Variants in GNGT2 observed in about 807,000 individuals in gnomAD.
GNGT2 encodes the protein G protein subunit gamma transducin 2.
A neutral mutation model predicts 3.5 loss-of-function variants in GNGT2; 4 were observed. The ratio of observed to expected loss-of-function variants is 1.13; its 90% CI spans 0.56 to 2.59. The LOEUF (loss-of-function observed/expected upper bound fraction) is 2.59. Ranked by LOEUF, GNGT2 falls within the 30% of genes most tolerant of loss-of-function variation. GNGT2 has a pLI of 0.02. For missense variants in GNGT2, 64 were observed against 81.2 expected, an observed-to-expected ratio of 0.79 and a Z score of 0.82; for synonymous variants, 31 against 29.5, an observed-to-expected ratio of 1.05 and a Z score of -0.17.
At chr17:49,209,140 G>A (rs575485087) in intron 1 of GNGT2, 186 bp from the exon 2 acceptor site, 3 of 152,454 alleles carry the variant, frequency 2.0e-5, no homozygotes, top group African/African-American at 7.2e-5. Flanking sequence ...CACACTTTTG[G>A]TGACCTCACT....
intron 3 of GNGT2, 41 bp downstream of exon 3, chr17:49,207,298 G>A (rs751077236): frequency 2.1e-6 from 3 of 1,412,440 alleles, no homozygotes; most frequent in African/African-American, 1.4e-5. Flanking sequence ...GGCTCATCAG[G>A]AACAGGAAGG....
Position 49,206,727 on chromosome 17 carries a change from G to C in GNGT2, c.*30C>G. 1 of 1,598,320 alleles carries C rather than the reference G, an allele frequency of 6.3e-7. No individual in the cohort carries two copies. The highest frequency in any genetic ancestry group is 8.5e-7 in the Non-Finnish European group (1 of 1,173,046). On this transcript the variant is annotated 3_prime_UTR_variant, in exon 4 of 4. Coordinates refer to ENST00000507680, the MANE Select transcript of GNGT2 (RefSeq NM_001198754.2). Reference sequence around the variant, plus strand: ...GGAGACTTGGGCTTGGCTGAAGAGGGACAGACACTCAGGGCAGGGCTCCAT... The same window carrying C: ...GGAGACTTGGGCTTGGCTGAAGAGGCACAGACACTCAGGGCAGGGCTCCAT...
At chr17:49,207,204 T>C in intron 3 of GNGT2, 135 bp downstream of exon 3, 3 of 773,178 alleles carry the variant, frequency 3.9e-6, no homozygotes, top group Non-Finnish European at 4.6e-6. Context: ...CTCTGCATCC[T>C]ACCCCATCCC....
chr17:49,206,476 C>T lies in GNGT2; in HGVS notation c.*281G>A. On this transcript the variant is annotated 3_prime_UTR_variant, in exon 4 of 4. Coordinates refer to ENST00000507680, the MANE Select transcript of GNGT2 (RefSeq NM_001198754.2). ...TGCCCTCTGGGGTCTTGGGGTATTGCAGGCTTCTCACACCCCACCACCCAT... is the reference window on the plus strand; with the variant it reads ...TGCCCTCTGGGGTCTTGGGGTATTGTAGGCTTCTCACACCCCACCACCCAT... 1 of 387,122 alleles carries T rather than the reference C, an allele frequency of 2.6e-6. No individual in the cohort carries two copies. Among genetic ancestry groups the T allele is most frequent in the Non-Finnish European group, 4.6e-6 (1 of 217,412 alleles). 24.0% of individuals were successfully genotyped at this position (387,122 alleles called of 1,614,324 possible). A position where few individuals can be genotyped will look rare whatever the true frequency, so the allele number is the denominator to read the frequency against.
intron 3 of GNGT2, 24 bp from the exon 4 acceptor site, chr17:49,206,906 T>C (rs764557160): frequency 6.2e-7 from 1 of 1,613,980 alleles, no homozygotes; most frequent in Admixed American, 1.7e-5. Flanking sequence ...AAAAATGTTT[T>C]AGGTCCTTGT....
At chr17:49,207,023 C>T (rs2043112788) in intron 3 of GNGT2, 141 bp from the exon 4 acceptor site, 12 of 887,678 alleles carry the variant, frequency 1.4e-5, no homozygotes, top group East Asian at 7.3e-5. Context: ...GACAGGTGTT[C>T]GGGGGTGTGA....
chr17:49,209,968 A>C (rs1230445094), intron 1 of GNGT2, among the ~76,000 whole-genome samples: 26 of 152,166 alleles, frequency 1.7e-4, no homozygotes, highest in Admixed American at 1.7e-3. Context: ...CTCAAATCCA[A>C]GTCCTTCCTG....
chr17:49,206,642 G>T lies in GNGT2; in HGVS notation c.*115C>A. 2 of 935,424 alleles carry T rather than the reference G, an allele frequency of 2.1e-6. No homozygotes were observed. Among genetic ancestry groups the T allele is most frequent in the Non-Finnish European group, 1.6e-6 (1 of 608,306 alleles). 57.9% of individuals were successfully genotyped at this position (935,424 alleles called of 1,614,324 possible). A position where few individuals can be genotyped will look rare whatever the true frequency, so the allele number is the denominator to read the frequency against. On this transcript the variant is annotated 3_prime_UTR_variant, in exon 4 of 4. Transcript: ENST00000507680. ...TGGGTTCACAATGCATTTGTTCAGGGATCTTTACTCATTCTGTGATGAAGA... is the reference window on the plus strand; with the variant it reads ...TGGGTTCACAATGCATTTGTTCAGGTATCTTTACTCATTCTGTGATGAAGA...
At chr17:49,209,571 G>A (rs1425799320) in intron 1 of GNGT2, among the ~76,000 whole-genome samples, 2 of 152,082 alleles carry the variant, frequency 1.3e-5, no homozygotes, top group African/African-American at 4.8e-5. Flanking sequence ...ACCACCCAAG[G>A]GCTATGCCAT....
chr17:49,208,271 G>A lies in GNGT2; in HGVS notation c.-23+574C>T, dbSNP rs370849677. 4.1e-4 allele frequency among the ~76,000 whole-genome samples: 63 copies of A among 152,114 alleles called. No homozygotes were observed. The South Asian group carries it at 0.012, about 29-fold the overall frequency. ...AGGTTGAGGGTTCGAGACTAGCCTCGCCAACATGGTGAAACCCCATCTCTA... is the reference window on the plus strand; with the variant it reads ...AGGTTGAGGGTTCGAGACTAGCCTCACCAACATGGTGAAACCCCATCTCTA... On this transcript the variant is annotated intron_variant, in intron 2 of 3. Transcript: ENST00000507680.
Position 49,210,357 on chromosome 17 carries a change from A to C in GNGT2, c.-133+87T>G. 1 of 174,394 alleles carries C rather than the reference A, an allele frequency of 5.7e-6. No homozygotes were observed. 10.8% of individuals were successfully genotyped at this position (174,394 alleles called of 1,614,324 possible). On this transcript the variant is annotated intron_variant, in intron 1 of 3. Transcript: ENST00000507680. This position sits in a 1 kb window ranked among gnomAD's most constrained non-coding sequence, Gnocchi z 4.2. ...CCACCTCCGCCCCCTATAGCAGGCC[A>C]GCCCCCTTCCTCCCCAGTCTCCGAC...
chr17:49,209,184 C>T (rs2143498038), intron 1 of GNGT2: 1 of 152,698 alleles, frequency 6.5e-6, no homozygotes, highest in African/African-American at 2.4e-5. Flanking sequence ...ATTTCTCCAC[C>T]TCCACCCTGC....
Position 49,206,752 on chromosome 17 carries a change from T to G in GNGT2, c.*5A>C, listed in dbSNP as rs771092606. ...GACAGACACTCAGGGCAGGGCTCCATGCCATCAGCTTATCAGACAGCCACC... is the reference window on the plus strand; with the variant it reads ...GACAGACACTCAGGGCAGGGCTCCAGGCCATCAGCTTATCAGACAGCCACC... On this transcript the variant is annotated 3_prime_UTR_variant, in exon 4 of 4. Coordinates refer to ENST00000507680, the MANE Select transcript of GNGT2 (RefSeq NM_001198754.2). The G allele has an allele frequency of 2.0e-5, 32 of 1,611,818 alleles. No individual in the cohort carries two copies.
chr17:49,209,295 C>A, intron 1 of GNGT2: 1 of 152,526 alleles, frequency 6.6e-6, no homozygotes. Flanking sequence ...CCTAGACCGG[C>A]CCCTAACCTC....
Position 49,206,850 on chromosome 17 carries a change from G to GTT in GNGT2, c.116_117insAA (p.Tyr39Ter). Reference protein sequence around the residue: ...ISKAGKEIKEYVEAQAGNDPF... With the variant: ...ISKAGKEIKE ...GATCGTTTCCTGCTTGGGCCTCCAC[G>GTT]TACTCCTTGATTTCCTTTCCCGCTT... The change falls in exon 4 of 4, where the codon TAC (tyrosine) becomes TAAAC (stop). Residue 39 changes from tyrosine (Y) to a stop codon, truncating the protein, a stop_gained and frameshift_variant. Coordinates refer to ENST00000507680, the MANE Select transcript of GNGT2 (RefSeq NM_001198754.2). LOFTEE classifies it high-confidence loss of function. The GTT allele has an allele frequency of 6.2e-7, 1 of 1,613,556 alleles. No homozygotes were observed. Among genetic ancestry groups the GTT allele is most frequent in the East Asian group, 2.2e-5 (1 of 44,852 alleles).
Position 49,207,319 on chromosome 17 carries a change from G to A in GNGT2, c.84+20C>T. The A allele has an allele frequency of 1.9e-6, 3 of 1,564,428 alleles. No individual in the cohort carries two copies. Among genetic ancestry groups the A allele is most frequent in the South Asian group, 2.2e-5 (2 of 90,102 alleles). On this transcript the variant is annotated intron_variant, in intron 3 of 3. Coordinates refer to ENST00000507680, the MANE Select transcript of GNGT2 (RefSeq NM_001198754.2). The stretch of plus-strand genomic sequence containing the variant: ...TCAGGAACAGGAAGGGAAGAGCAGG[G>A]ACGGGGCGAGGAGGCTCACCGGAAT...
At chr17:49,207,576 C>T in intron 2 of GNGT2, 132 bp from the exon 3 acceptor site, 1 of 645,930 alleles carries the variant, frequency 1.5e-6, no homozygotes, top group Non-Finnish European at 2.8e-6. Flanking sequence ...ATATTCACTC[C>T]ATCCTTGCAT....
Position 49,206,745 on chromosome 17 carries a change from G to A in GNGT2, c.*12C>T. The A allele has an allele frequency of 6.2e-7, 1 of 1,610,426 alleles. No individual in the cohort carries two copies. The highest frequency in any genetic ancestry group is 1.3e-5 in the African/African-American group (1 of 74,760). ...GAAGAGGGACAGACACTCAGGGCAGGGCTCCATGCCATCAGCTTATCAGAC... is the reference window on the plus strand; with the variant it reads ...GAAGAGGGACAGACACTCAGGGCAGAGCTCCATGCCATCAGCTTATCAGAC... On this transcript the variant is annotated 3_prime_UTR_variant, in exon 4 of 4. Transcript: ENST00000507680.
intron 3 of GNGT2, 69 bp downstream of exon 3, chr17:49,207,270 T>A: frequency 8.7e-7 from 1 of 1,149,402 alleles, no homozygotes; most frequent in East Asian, 2.3e-5. Context: ...CCCTTTCTGG[T>A]CACTTCCTCC....
Sources: gnomAD v4.1 joint callset for allele counts (sites outside exome capture counted in the v4.1 genomes callset) on GRCh38, gnomAD v4.1.1 for gene constraint, Gnocchi (gnomAD v3.1) non-coding constraint, MANE v1.5 for transcripts, NCBI Gene and HGNC (gene_info 2026-07-23, HGNC 2026-07-21) for gene names.